The following RBBP6 variants were observed in gnomAD, a reference collection of about 807,000 sequenced individuals.
The protein encoded by RBBP6 is E3 ubiquitin-protein ligase RBBP6.
Under a neutral mutation model 167.7 loss-of-function variants are expected in RBBP6, and 25 were observed. The observed-to-expected ratio is 0.15, with a 90% CI of 0.11 to 0.21. The LOEUF (loss-of-function observed/expected upper bound fraction) is 0.21. RBBP6 is among the 10% of genes least tolerant of loss of function. The pLI is 1.00. For synonymous variants in RBBP6, 789 were observed against 735.8 expected (o/e 1.07, Z -1.17); for missense variants, 1,868 against 2,134.2 (o/e 0.88, Z 2.46).
At chr16:24,566,276 T>C (rs902454938) in intron 14 of RBBP6, among the ~76,000 whole-genome samples, 1 of 152,228 alleles carries the variant, frequency 6.6e-6, no homozygotes, top group Non-Finnish European at 1.5e-5. Context: ...TAACCAGTTC[T>C]GTTTGGTGAG....
Position 24,572,587 on chromosome 16 carries a change from T to C in RBBP6, c.*142T>C. On this transcript the variant is annotated 3_prime_UTR_variant, in exon 18 of 18. Coordinates refer to ENST00000319715, the MANE Select transcript of RBBP6 (RefSeq NM_006910.5). ...AAATATTGCTGCTTGATTATTTGAT[T>C]TTTACATCAGAGCTTTATAACACGA... The C allele has an allele frequency of 8.2e-7, 1 of 1,223,820 alleles. No homozygotes were observed. Among genetic ancestry groups the C allele is most frequent in the Non-Finnish European group, 1.1e-6 (1 of 917,526 alleles). 75.8% of individuals were successfully genotyped at this position (1,223,820 alleles called of 1,614,324 possible).
chr16:24,545,319 C>G (rs1033100742), intron 1 of RBBP6, among the ~76,000 whole-genome samples: 1 of 152,060 alleles, frequency 6.6e-6, no homozygotes, highest in Non-Finnish European at 1.5e-5. Flanking sequence ...TGATCCGCCC[C>G]CCTCAGCCTC....
chr16:24,551,125 A>G (rs1898785678), intron 3 of RBBP6, among the ~76,000 whole-genome samples: 1 of 151,822 alleles, frequency 6.6e-6, no homozygotes, highest in East Asian at 1.9e-4. Flanking sequence ...TGCTAACTAA[A>G]TATCAGAGTG....
intron 13 of RBBP6, among the ~76,000 whole-genome samples, chr16:24,564,234 C>T (rs1381511223): frequency 2.0e-5 from 3 of 152,070 alleles, no homozygotes; most frequent in Non-Finnish European, 2.9e-5. Flanking sequence ...ATAATTATTT[C>T]TGTTTATATA....
chr16:24,557,121 C>A (rs1183421265), intron 7 of RBBP6, among the ~76,000 whole-genome samples: 1 of 151,656 alleles, frequency 6.6e-6, no homozygotes, highest in African/African-American at 2.4e-5. Flanking sequence ...GCCTCAGCCT[C>A]CTGAGTAGCT....
chr16:24,559,993 G>T (rs781375422), intron 8 of RBBP6, among the ~76,000 whole-genome samples: 8 of 151,726 alleles, frequency 5.3e-5, no homozygotes, highest in Non-Finnish European at 1.2e-4. Flanking sequence ...AACTTTTTTG[G>T]GCCTTAGATA....
At chr16:24,541,276 T>C (rs544895077) in intron 1 of RBBP6, among the ~76,000 whole-genome samples, 1 of 151,016 alleles carries the variant, frequency 6.6e-6, no homozygotes, top group Non-Finnish European at 1.5e-5. Flanking sequence ...CCTTCCTCCC[T>C]CCTCGCATTT....
chr16:24,540,887 TG>T (rs1898468338), intron 1 of RBBP6, 95 bp downstream of exon 1: 3 of 1,436,054 alleles, frequency 2.1e-6, no homozygotes, highest in Non-Finnish European at 1.9e-6. Context: ...ATGTCTCTAG[TG>T]GGGACTGTTC....
At chr16:24,551,574 A>G (rs1040705803) in intron 3 of RBBP6, among the ~76,000 whole-genome samples, 5 of 151,822 alleles carry the variant, frequency 3.3e-5, no homozygotes, top group Admixed American at 2.6e-4. Flanking sequence ...TTCAAAGTCA[A>G]TAAATACATA....
At chr16:24,545,687 A>G (rs910133391) in intron 1 of RBBP6, among the ~76,000 whole-genome samples, 3 of 152,198 alleles carry the variant, frequency 2.0e-5, no homozygotes, top group Non-Finnish European at 4.4e-5. Context: ...GTTGTATTCC[A>G]CTATTCATTC....
At chr16:24,563,361 T>G in intron 11 of RBBP6, 62 bp from the exon 12 acceptor site, 1 of 1,549,152 alleles carries the variant, frequency 6.5e-7, no homozygotes, top group Non-Finnish European at 8.7e-7. Flanking sequence ...TCTGGCTTTG[T>G]TCTTACCTCT....
At chr16:24,552,074 T>C (rs1047377688) in intron 3 of RBBP6, among the ~76,000 whole-genome samples, 4 of 151,840 alleles carry the variant, frequency 2.6e-5, no homozygotes, top group South Asian at 4.1e-4. Flanking sequence ...CATTAAGTTA[T>C]AGGGTTAGTG....
rs140343059 is a variant in RBBP6, at chr16:24,561,959, T to C, written c.1087T>C (p.Ser363Pro). The C allele has an allele frequency of 1.3e-4, 216 of 1,613,590 alleles. No homozygotes were observed. In the Middle Eastern group the frequency reaches 3.1e-3, roughly 23 times the overall value. ...NLQPLMRSPISRQQDPLMIPV... is the reference protein window; with the variant it reads ...NLQPLMRSPIPRQQDPLMIPV... ...ACAACCTCTGATGAGATCTCCGATA[T>C]CAAGACAACAAGATCCTCTTATGAT... The change falls in exon 10 of 18, where the codon TCA (serine) becomes CCA (proline). Residue 363 changes from serine to proline, a missense_variant. Physicochemically the swap from Ser to Pro is moderately conservative, Grantham distance 74 (BLOSUM62 -1). Coordinates refer to ENST00000319715, the MANE Select transcript of RBBP6 (RefSeq NM_006910.5).
chr16:24,549,133 G>A, intron 3 of RBBP6, 152 bp downstream of exon 3: 1 of 1,479,512 alleles, frequency 6.8e-7, no homozygotes, highest in Non-Finnish European at 9.0e-7. Flanking sequence ...AGTTGAATAT[G>A]GATAATATGT....
At position 24,555,924 on chromosome 16, in the gene RBBP6, T is replaced by G; in HGVS notation, c.534+7T>G. On this transcript the variant is annotated splice_region_variant and intron_variant, in intron 6 of 17. Coordinates refer to ENST00000319715, the MANE Select transcript of RBBP6 (RefSeq NM_006910.5). ...GAATTGCCCAACAAATGGGGTAAGT[T>G]CAAAGCAGAAACTATGGTATATCTT... is the stretch of plus-strand genomic sequence containing the variant. 6.4e-7 allele frequency: 1 copy of G among 1,558,472 alleles called. No individual in the cohort carries two copies. Among genetic ancestry groups the G allele is most frequent in the Non-Finnish European group, 8.9e-7 (1 of 1,129,600 alleles).
chr16:24,569,251 C>T lies in RBBP6; in HGVS notation c.2561C>T (p.Ser854Leu). 1 of 1,612,656 alleles carries T rather than the reference C, an allele frequency of 6.2e-7. No homozygotes were observed. The highest frequency in any genetic ancestry group is 8.5e-7 in the Non-Finnish European group (1 of 1,179,674). Reference protein sequence around the residue: ...GYAAGAQPRPSANRENFSPER... With the variant: ...GYAAGAQPRPLANRENFSPER... ...GCTGCTGGAGCACAGCCTAGACCCT[C>T]AGCAAATAGAGAGAACTTTTCTCCA... The change falls in exon 17 of 18, where the codon TCA becomes TTA. Residue 854 changes from serine to leucine, a missense_variant. Physicochemically the swap from Ser to Leu is moderately radical, Grantham distance 145 (BLOSUM62 -2). Coordinates refer to ENST00000319715, the MANE Select transcript of RBBP6 (RefSeq NM_006910.5).
chr16:24,542,185 G>A (rs1400852505), intron 1 of RBBP6, among the ~76,000 whole-genome samples: 1 of 152,184 alleles, frequency 6.6e-6, no homozygotes, highest in Non-Finnish European at 1.5e-5. Context: ...GTCATGAACA[G>A]TTGAGAAATA....
Position 24,559,492 on chromosome 16 carries a change from C to T in RBBP6, c.675-13C>T. 1 of 1,581,800 alleles carries T rather than the reference C, an allele frequency of 6.3e-7. No homozygotes were observed. Among genetic ancestry groups the T allele is most frequent in the Non-Finnish European group, 8.6e-7 (1 of 1,165,102 alleles). On this transcript the variant is annotated splice_polypyrimidine_tract_variant and intron_variant, in intron 7 of 17. Coordinates refer to ENST00000319715, the MANE Select transcript of RBBP6 (RefSeq NM_006910.5). ...TCTTAACAATGGTAAAACATGAAAA[C>T]TTTCTTTTACAGAGAAGCATATGCA...
In RBBP6 at chr16:24,569,795, A is replaced by C. The variant is rs763032274; in HGVS notation, c.3105A>C (p.Val1035=). 3 of 1,613,360 alleles carry C rather than the reference A, an allele frequency of 1.9e-6. No individual in the cohort carries two copies. The highest frequency in any genetic ancestry group is 2.5e-6 in the Non-Finnish European group (3 of 1,179,874). The part of the protein sequence containing the change: ...GSAVSKKENI[V]KPAKGPQEKV... Reference sequence around the variant, plus strand: ...CTGTGTCCAAAAAAGAAAATATTGTAAAACCTGCTAAAGGACCCCAAGAAA... The same window carrying C: ...CTGTGTCCAAAAAAGAAAATATTGTCAAACCTGCTAAAGGACCCCAAGAAA... Residue 1035 remains valine, a synonymous_variant, in exon 17 of 18, where the codon GTA becomes GTC. Transcript: ENST00000319715.
Sources: allele counts gnomAD v4.1 joint callset (sites outside exome capture counted in the v4.1 genomes callset), GRCh38; gene constraint gnomAD v4.1.1; transcripts MANE v1.5; gene names NCBI Gene and HGNC (gene_info 2026-07-23, HGNC 2026-07-21).